Variants in CLDN14 observed in about 807,000 individuals in gnomAD.
The protein encoded by CLDN14 is claudin-14.
Under a neutral mutation model 2.1 loss-of-function variants are expected in CLDN14, and 2 were observed. That is an observed-to-expected ratio of 0.96 (90% CI 0.39 to 3.01). CLDN14 has a LOEUF of 3.01. CLDN14 is among the 30% of genes most tolerant of loss of function. The pLI, the probability that CLDN14 is intolerant of heterozygous loss-of-function variation, is 0.09. For synonymous variants in CLDN14, 136 were observed against 154.4 expected, an observed-to-expected ratio of 0.88 and a Z score of 0.88; for missense variants, 298 against 328.0, an observed-to-expected ratio of 0.91 and a Z score of 0.71.
intron 1 of CLDN14, among the ~76,000 whole-genome samples, chr21:36,538,964 C>G (rs1023428220): frequency 6.6e-6 from 1 of 152,220 alleles, no homozygotes; most frequent in Non-Finnish European, 1.5e-5. Context: ...CACCCACACA[C>G]AGAGCTTGCT....
At chr21:36,533,140 C>T (rs1052415849) in intron 1 of CLDN14, among the ~76,000 whole-genome samples, 5 of 152,098 alleles carry the variant, frequency 3.3e-5, no homozygotes, top group African/African-American at 9.7e-5. Flanking sequence ...TGGGGCCGGT[C>T]GGTAATGGAG....
chr21:36,575,112 A>G (rs1419557035), intron 1 of CLDN14, among the ~76,000 whole-genome samples: 1 of 152,196 alleles, frequency 6.6e-6, no homozygotes, highest in African/African-American at 2.4e-5. Flanking sequence ...ATGGAATTGA[A>G]GTTTCTACTT....
intron 1 of CLDN14, among the ~76,000 whole-genome samples, chr21:36,533,036 G>C (rs1348639015): frequency 6.6e-6 from 1 of 152,170 alleles, no homozygotes; most frequent in Non-Finnish European, 1.5e-5. Context: ...CATCTGTGGT[G>C]CTCCTCCTGA....
At chr21:36,523,781 G>A (rs62230964) in intron 1 of CLDN14, among the ~76,000 whole-genome samples, 4,591 of 38,272 alleles carry the variant, frequency 0.12, 665 homozygotes, top group Non-Finnish European at 0.22. Context: ...GAGAGAAAGA[G>A]AGAAAGAAAG....
At chr21:36,509,336 T>C (rs1054932822) in intron 2 of CLDN14, among the ~76,000 whole-genome samples, 6 of 152,170 alleles carry the variant, frequency 3.9e-5, no homozygotes, top group East Asian at 1.9e-4. Context: ...TTTGTGTTGC[T>C]TTGGGCTGAA....
At chr21:36,485,303 GGT>G (rs1161779080) in intron 2 of CLDN14, among the ~76,000 whole-genome samples, 4 of 143,864 alleles carry the variant, frequency 2.8e-5, no homozygotes, top group Non-Finnish European at 6.3e-5. Context: ...TTGCCTCCCA[GGT>G]TCAAGCGATT....
chr21:36,467,810 C>A (rs2086664951), intron 1 of CLDN14, among the ~76,000 whole-genome samples: 1 of 152,186 alleles, frequency 6.6e-6, no homozygotes, highest in Admixed American at 6.5e-5. Context: ...ACACACATTG[C>A]TCCGTGGCCC....
At chr21:36,482,226 G>A (rs1242259903), upstream of CLDN14, among the ~76,000 whole-genome samples, 4 of 152,214 alleles carry the variant, frequency 2.6e-5, no homozygotes, top group East Asian at 7.7e-4. Flanking sequence ...GGAAGAGGAA[G>A]GTCTTGAGCA....
At chr21:36,489,588 G>A (rs572219337) in intron 2 of CLDN14, among the ~76,000 whole-genome samples, 1 of 152,304 alleles carries the variant, frequency 6.6e-6, no homozygotes, top group South Asian at 2.1e-4. Flanking sequence ...GCCTGGTGGG[G>A]GGCCGGGGAC....
intron 1 of CLDN14, among the ~76,000 whole-genome samples, chr21:36,474,791 G>A (rs937752374): frequency 6.6e-6 from 1 of 152,308 alleles, no homozygotes; most frequent in East Asian, 1.9e-4. Flanking sequence ...ATCTGTAGGG[G>A]CAGTAGGGAT....
At chr21:36,472,484 T>C (rs916397860) in intron 1 of CLDN14, among the ~76,000 whole-genome samples, 2 of 152,212 alleles carry the variant, frequency 1.3e-5, no homozygotes, top group African/African-American at 4.8e-5. Flanking sequence ...AGATATATGA[T>C]TGAACACTAT....
rs567348334 is a variant in CLDN14, at chr21:36,544,164, G to C, written c.-220+32247C>G. On this transcript the variant is annotated intron_variant, in intron 1 of 2. Transcript: ENST00000342108. The surrounding 1 kb of genome is among the most constrained non-coding windows in gnomAD (Gnocchi z 4.1). ...CTCCAACCCAGGTTTCCATTACCAT[G>C]GTGCTGCCTGCCAGCTTGGCAGGAT... is the stretch of plus-strand genomic sequence containing the variant. Among the ~76,000 whole-genome samples, 10 of 152,230 alleles carry C rather than the reference G, an allele frequency of 6.6e-5. No individual in the cohort carries two copies. The highest frequency in any genetic ancestry group is 1.0e-4 in the Non-Finnish European group (7 of 68,036).
At position 36,472,437 on chromosome 21, in the gene CLDN14, A is replaced by G. The variant is rs988487537; in HGVS notation, c.-82+7058T>C. Among the ~76,000 whole-genome samples, 9 of 152,178 alleles carry G rather than the reference A, an allele frequency of 5.9e-5. 1 individual carries two copies. Among genetic ancestry groups the G allele is most frequent in the African/African-American group, 2.2e-4 (9 of 41,446 alleles). On this transcript the variant is annotated intron_variant, in intron 1 of 1. Transcript: ENST00000399135. ...CTGGGTTTGGAGGATGTGATGATCA[A>G]TTTTTTGTGTCAACTTGGCTGGGCC... is the stretch of plus-strand genomic sequence containing the variant.
At chr21:36,490,354 C>A (rs1250300615) in intron 2 of CLDN14, among the ~76,000 whole-genome samples, 1 of 151,628 alleles carries the variant, frequency 6.6e-6, no homozygotes, top group African/African-American at 2.4e-5. Context: ...CAGGTGCGAA[C>A]CACCATGTCT....
intron 1 of CLDN14, among the ~76,000 whole-genome samples, 152 bp downstream of exon 1, chr21:36,479,343 C>T (rs973385625): frequency 6.6e-6 from 1 of 152,106 alleles, no homozygotes; most frequent in African/African-American, 2.4e-5. Flanking sequence ...AGCTTCCTTT[C>T]CTGTAGGGGC....
At chr21:36,486,867 G>A (rs560269432) in intron 2 of CLDN14, 34 of 708,614 alleles carry the variant, frequency 4.8e-5, no homozygotes, top group African/African-American at 4.5e-4. Context: ...TGGGTTGGAC[G>A]GTGTGTAGCT....
chr21:36,553,704 A>G (rs1413808635), intron 1 of CLDN14, among the ~76,000 whole-genome samples: 1 of 151,936 alleles, frequency 6.6e-6, no homozygotes, highest in Non-Finnish European at 1.5e-5. Context: ...TAGCCCCTAG[A>G]AGGACCTGCT....
chr21:36,545,216 AAC>A (rs1353630956), intron 1 of CLDN14, among the ~76,000 whole-genome samples: 3 of 152,208 alleles, frequency 2.0e-5, no homozygotes, highest in African/African-American at 7.2e-5. Flanking sequence ...ATTTTTAAGA[AAC>A]ACAAATTCAA....
At chr21:36,472,961 A>C (rs1266712487) in intron 1 of CLDN14, among the ~76,000 whole-genome samples, 1 of 152,188 alleles carries the variant, frequency 6.6e-6, no homozygotes, top group Non-Finnish European at 1.5e-5. Flanking sequence ...TGTTTAGTCC[A>C]TAACATGCAG....
Sources: allele counts gnomAD v4.1 joint callset (sites outside exome capture counted in the v4.1 genomes callset), GRCh38; gene constraint gnomAD v4.1.1; non-coding constraint Gnocchi (gnomAD v3.1); transcripts MANE v1.5; gene names NCBI Gene and HGNC (gene_info 2026-07-23, HGNC 2026-07-21).